ATP13A4: variants seen among roughly 807,000 people sequenced by gnomAD.
The protein encoded by ATP13A4 is probable cation-transporting ATPase 13A4.
In ATP13A4, 114 loss-of-function variants were observed where a neutral mutation model predicts 142.5. The ratio of observed to expected loss-of-function variants is 0.80; its 90% confidence interval spans 0.69 to 0.93. ATP13A4 has a LOEUF of 0.93. ATP13A4 is among the 40% of genes least tolerant of loss of function. The pLI, the probability that ATP13A4 is intolerant of heterozygous loss-of-function variation, is 0.00. For missense variants in ATP13A4, 1,392 were observed against 1,454.0 expected (o/e 0.96, Z 0.69); for synonymous variants, 488 against 514.8 (o/e 0.95, Z 0.70).
In ATP13A4 at chr3:193,423,767, A is replaced by G. The variant is rs562094062; in HGVS notation, c.2843-9017T>C. 5.3e-5 allele frequency among the ~76,000 whole-genome samples: 8 copies of G among 149,826 alleles called. 2 individuals are homozygous for G. The East Asian group carries it at 1.7e-3, about 31-fold the overall frequency. ...AAGCTTTTCCTTTAAAATCTGGAAC[A>G]AGAAAAGGATGCCCACTTTTGCCAC... On this transcript the variant is annotated intron_variant, in intron 25 of 29. Transcript: ENST00000342695.
In ATP13A4 at chr3:193,563,884, G is replaced by T. The variant is rs1724070707; in HGVS notation, n.291+17823C>A. ...TGGCAACCTCACTGTCTAACTTGGG[G>T]CAACCCCTGCTGTTCAAAAGAGAGA... is the stretch of plus-strand genomic sequence containing the variant. On this transcript the variant is annotated intron_variant and non_coding_transcript_variant, in intron 2 of 3. Coordinates refer to the ATP13A4 transcript ENST00000489140. 2.0e-5 allele frequency among the ~76,000 whole-genome samples: 3 copies of T among 152,118 alleles called. No individual in the cohort carries two copies. The South Asian group carries it at 6.2e-4, about 32-fold the overall frequency.
At chr3:193,456,179 T>TA (rs1256645808) in intron 16 of ATP13A4, among the ~76,000 whole-genome samples, 16 of 152,030 alleles carry the variant, frequency 1.1e-4, no homozygotes, top group African/African-American at 3.4e-4. Context: ...AAATATAGGT[T>TA]AAAAAAAGGA....
chr3:193,419,880 G>A (rs1210550686), intron 25 of ATP13A4, among the ~76,000 whole-genome samples: 3 of 150,140 alleles, frequency 2.0e-5, no homozygotes, highest in Admixed American at 6.9e-5. Flanking sequence ...TGATAGCTGT[G>A]CCATTTTGGG....
Position 193,459,209 on chromosome 3 carries a change from C to T in ATP13A4, c.1546G>A (p.Ala516Thr). 3.1e-6 allele frequency: 5 copies of T among 1,614,206 alleles called. No homozygotes were observed. Among genetic ancestry groups the T allele is most frequent in the Non-Finnish European group, 2.5e-6 (3 of 1,180,026 alleles). Residue 516 changes from alanine to threonine, a missense_variant, in exon 14 of 30, where the codon GCC (alanine) becomes ACC (threonine). Physicochemically the swap from Ala to Thr is moderately conservative, Grantham distance 58. Transcript: ENST00000342695. ...CCCCATGGCAAAGCCTGGCCTGAGGCAAAGCTGTGAACTTCCTGAAAGCTT... is the reference window on the plus strand; with the variant it reads ...CCCCATGGCAAAGCCTGGCCTGAGGTAAAGCTGTGAACTTCCTGAAAGCTT... ...RNGFQEVHSF[A>T]SGQALPWGPL...
intron 2 of ATP13A4, among the ~76,000 whole-genome samples, chr3:193,568,016 A>G (rs1724177048): frequency 6.6e-6 from 1 of 151,514 alleles, no homozygotes; most frequent in Non-Finnish European, 1.5e-5. Context: ...CTGGAGTGCA[A>G]TGGCGCAGTC....
At chr3:193,502,435 C>T in intron 3 of ATP13A4, 58 bp downstream of exon 3, 3 of 1,572,136 alleles carry the variant, frequency 1.9e-6, no homozygotes, top group Non-Finnish European at 2.6e-6. Context: ...TAACTATATA[C>T]TTGAGGGGAA....
chr3:193,458,883 C>T (rs2108637331), intron 14 of ATP13A4, 198 bp downstream of exon 14: 3 of 699,566 alleles, frequency 4.3e-6, no homozygotes, highest in East Asian at 5.3e-5. Context: ...TTAATCCTCA[C>T]AATCTCATTA....
chr3:193,438,549 T>C lies in ATP13A4; in HGVS notation c.2598A>G (p.Ser866=), dbSNP rs1560186774. 6.2e-7 allele frequency: 1 copy of C among 1,614,184 alleles called. No homozygotes were observed. Among genetic ancestry groups the C allele is most frequent in the Non-Finnish European group, 8.5e-7 (1 of 1,180,024 alleles). Residue 866 remains serine, a synonymous_variant, in exon 23 of 30, where the codon TCA becomes TCG. Coordinates refer to ENST00000342695, the MANE Select transcript of ATP13A4 (RefSeq NM_032279.4). The part of the protein sequence containing the change: ...LKMAHVGISL[S]EQEASVASPF... ...GTGAGGCCACAGATGCCTCCTGCTC[T>C]GATAATGAGATGCCCACATGAGCCA...
intron 1 of ATP13A4, among the ~76,000 whole-genome samples, chr3:193,531,992 T>A (rs1344471494): frequency 1.3e-5 from 2 of 152,094 alleles, no homozygotes; most frequent in East Asian, 3.9e-4. Flanking sequence ...TTCCAATCCA[T>A]AATAAATATT....
chr3:193,452,085 G>A (rs1351772185), intron 17 of ATP13A4, among the ~76,000 whole-genome samples: 1 of 152,160 alleles, frequency 6.6e-6, no homozygotes, highest in African/African-American at 2.4e-5. Flanking sequence ...CACAGTAAGT[G>A]CTTTGTTACG....
intron 2 of ATP13A4, among the ~76,000 whole-genome samples, chr3:193,575,864 C>T (rs1219545222): frequency 6.6e-6 from 1 of 152,122 alleles, no homozygotes. Flanking sequence ...ATTTCCTAAA[C>T]TGAATTAATT....
chr3:193,498,849 T>A (rs1720385699), intron 3 of ATP13A4, among the ~76,000 whole-genome samples: 1 of 152,238 alleles, frequency 6.6e-6, no homozygotes, highest in Admixed American at 6.5e-5. Flanking sequence ...GTATTCTATG[T>A]GCAAGAATAT....
Position 193,456,987 on chromosome 3 carries a change from T to C in ATP13A4, c.1915+13A>G. On this transcript the variant is annotated intron_variant, in intron 16 of 29. Coordinates refer to ENST00000342695, the MANE Select transcript of ATP13A4 (RefSeq NM_032279.4). ...ACAGATTTGCCAGGTGTAATCCAAG[T>C]CAAGTTACAGACCTGTCTCAGGTTG... The C allele has an allele frequency of 6.2e-7, 1 of 1,608,584 alleles. No homozygotes were observed. Among genetic ancestry groups the C allele is most frequent in the Non-Finnish European group, 8.5e-7 (1 of 1,177,238 alleles).
At chr3:193,484,148 G>T in intron 7 of ATP13A4, 143 bp from the exon 8 acceptor site, 5 of 690,830 alleles carry the variant, frequency 7.2e-6, no homozygotes, top group Non-Finnish European at 1.0e-5. Context: ...AAAGGACTAA[G>T]TACTCATTAT....
At chr3:193,461,344 C>A (rs1191737682) in intron 13 of ATP13A4, among the ~76,000 whole-genome samples, 1 of 152,160 alleles carries the variant, frequency 6.6e-6, no homozygotes, top group African/African-American at 2.4e-5. Context: ...GGATGCAAAT[C>A]TAAATAAGAA....
intron 1 of ATP13A4, among the ~76,000 whole-genome samples, chr3:193,545,022 C>G (rs778308867): frequency 2.0e-5 from 3 of 152,146 alleles, no homozygotes; most frequent in African/African-American, 7.2e-5. Flanking sequence ...TATATGCACA[C>G]ATTTTTCAAT....
intron 3 of ATP13A4, among the ~76,000 whole-genome samples, chr3:193,494,477 T>C (rs1024467541): frequency 1.3e-5 from 2 of 151,942 alleles, no homozygotes; most frequent in African/African-American, 4.8e-5. Context: ...AAGAAAAACT[T>C]TGGAAACTCT....
chr3:193,410,720 T>C (rs1714725478), intron 28 of ATP13A4, among the ~76,000 whole-genome samples: 1 of 152,152 alleles, frequency 6.6e-6, no homozygotes. Context: ...TCCTGTCTCT[T>C]AAATAATAAG....
At chr3:193,484,424 T>C (rs767175514) in intron 7 of ATP13A4, among the ~76,000 whole-genome samples, 2 of 152,072 alleles carry the variant, frequency 1.3e-5, no homozygotes, top group Admixed American at 6.5e-5. Flanking sequence ...ATGTGGGATA[T>C]TGAGAGTGAG....
Sources: gnomAD v4.1 joint callset for allele counts (sites outside exome capture counted in the v4.1 genomes callset) on GRCh38, gnomAD v4.1.1 for gene constraint, MANE v1.5 for transcripts, NCBI Gene and HGNC (gene_info 2026-07-23, HGNC 2026-07-21) for gene names.